The following EPG5 variants were observed in gnomAD, a reference collection of about 807,000 sequenced individuals.
The protein encoded by EPG5 is ectopic P granules protein 5 homolog.
In EPG5, 159 loss-of-function variants were observed where a neutral mutation model predicts 302.7. The observed-to-expected ratio is 0.53, with a 90% confidence interval of 0.46 to 0.60. The LOEUF is 0.60. EPG5 is among the 20% of genes least tolerant of loss of function. The probability of loss-of-function intolerance (pLI) is 0.00; values close to 1 mark genes in which losing one functional copy is unlikely to be tolerated. For synonymous variants in EPG5, 1,158 were observed against 1,136.8 expected (o/e 1.02, Z -0.37); for missense variants, 2,896 against 3,092.4 (o/e 0.94, Z 1.51).
intron 1 of EPG5, among the ~76,000 whole-genome samples, chr18:45,963,622 G>A (rs2051193105): frequency 6.6e-6 from 1 of 152,150 alleles, no homozygotes; most frequent in African/African-American, 2.4e-5. Flanking sequence ...GTGACAGAGT[G>A]AGACTCGGTC....
chr18:45,817,278 T>C, the EPG5 span, among the ~76,000 whole-genome samples: 2 of 152,200 alleles, frequency 1.3e-5, no homozygotes, highest in African/African-American at 4.8e-5. Flanking sequence ...TAAAAAATTG[T>C]TTTAAAAGAA....
intron 2 of EPG5, 28 bp from the exon 3 acceptor site, chr18:45,952,671 G>A: frequency 6.2e-7 from 1 of 1,609,654 alleles, no homozygotes; most frequent in Non-Finnish European, 8.5e-7. Context: ...GGTACAATAT[G>A]AAACCAGTTA....
chr18:45,939,784 T>C, intron 9 of EPG5, 29 bp from the exon 10 acceptor site: 1 of 1,595,522 alleles, frequency 6.3e-7, no homozygotes, highest in Non-Finnish European at 8.6e-7. Context: ...AATACAGTAC[T>C]TTTCATTAGC....
chr18:45,936,968 C>T (rs981031087), intron 10 of EPG5, among the ~76,000 whole-genome samples: 3 of 151,758 alleles, frequency 2.0e-5, no homozygotes, highest in Non-Finnish European at 4.4e-5. Flanking sequence ...TAGTTCAAAC[C>T]CACACTTACC....
the EPG5 span, chr18:45,837,053 AT>A: frequency 1.5e-5 from 23 of 1,546,572 alleles, no homozygotes; most frequent in Non-Finnish European, 2.1e-5. Context: ...ACTAAAATAG[AT>A]ACTACGGAGA....
chr18:45,899,562 C>G lies in EPG5; in HGVS notation c.4651G>C (p.Ala1551Pro). The G allele has an allele frequency of 6.2e-7, 1 of 1,613,850 alleles. No individual in the cohort carries two copies. Among genetic ancestry groups the G allele is most frequent in the Non-Finnish European group, 8.5e-7 (1 of 1,179,874 alleles). Residue 1551 changes from alanine (A) to proline (P), a missense_variant, in exon 27 of 44, where the codon GCA becomes CCA. Ala to Pro is a conservative substitution (Grantham distance 27). Transcript: ENST00000282041. ...LNLLQQQART[A>P]ALRESQQVAL... Reference sequence around the variant, plus strand: ...ACCTGCTGAGATTCCCGAAGAGCTGCGGTTCTGAAAAACATCATCAGGAGG... The same window carrying G: ...ACCTGCTGAGATTCCCGAAGAGCTGGGGTTCTGAAAAACATCATCAGGAGG...
At chr18:45,942,072 A>G (rs553548215) in intron 9 of EPG5, among the ~76,000 whole-genome samples, 21 of 152,212 alleles carry the variant, frequency 1.4e-4, no homozygotes, top group Non-Finnish European at 2.8e-4. Flanking sequence ...AAAAATACAA[A>G]AAGTTAGCTG....
the EPG5 span, among the ~76,000 whole-genome samples, chr18:45,822,351 T>C: frequency 2.0e-5 from 3 of 152,046 alleles, no homozygotes; most frequent in Admixed American, 1.3e-4. Flanking sequence ...GTTGATCTCA[T>C]AGAAGTAAAA....
At position 45,946,787 on chromosome 18, in the gene EPG5, C is replaced by G. The variant is rs2050791899; in HGVS notation, c.1572-19G>C. The G allele has an allele frequency of 6.3e-7, 1 of 1,597,792 alleles. No homozygotes were observed. Among genetic ancestry groups the G allele is most frequent in the African/African-American group, 1.3e-5 (1 of 74,704 alleles). On this transcript the variant is annotated intron_variant, in intron 6 of 43. Transcript: ENST00000282041. ...TCGATTTCTAAAGGACAAGAATAAT[C>G]ACTCCCATCACTTAGATGTAGGCTA...
At chr18:45,842,012 G>A in the EPG5 span, 1 of 1,139,408 alleles carries the variant, frequency 8.8e-7, no homozygotes, top group East Asian at 2.4e-5. Flanking sequence ...TCCCCAGAAT[G>A]TCTCCTCTTC....
rs1272201076 is a variant in EPG5, at chr18:45,930,751, A to T, written c.2337T>A (p.Phe779Leu). 6.2e-7 allele frequency: 1 copy of T among 1,612,302 alleles called. No individual in the cohort carries two copies. Among genetic ancestry groups the T allele is most frequent in the South Asian group, 1.1e-5 (1 of 90,502 alleles). ...SSEEICLLTT[F>L]AQMAQARRTN... ...TTCTTCTGGCCTGAGCCATCTGAGCAAAGGTAGTCAGAAGGCAAATCTCTT... is the reference window on the plus strand; with the variant it reads ...TTCTTCTGGCCTGAGCCATCTGAGCTAAGGTAGTCAGAAGGCAAATCTCTT... Residue 779 changes from phenylalanine to leucine, a missense_variant, in exon 12 of 44, where the codon TTT becomes TTA. Around this residue, in one of 5 missense-constraint regions of EPG5, gnomAD observed 1,390 missense variants for 1,430.0 expected, o/e 0.97. Transcript: ENST00000282041.
chr18:45,838,572 G>GGCCA, the EPG5 span: 1 of 1,069,420 alleles, frequency 9.4e-7, no homozygotes, highest in East Asian at 3.0e-5. Context: ...TTTCGCCCAA[G>GGCCA]GCCACATCTG....
chr18:45,943,943 G>T, intron 8 of EPG5, 62 bp downstream of exon 8: 1 of 1,042,156 alleles, frequency 9.6e-7, no homozygotes, highest in Non-Finnish European at 1.5e-6. Flanking sequence ...AAGACTCAAT[G>T]CAGAGTTCCT....
At chr18:45,952,772 A>G (rs1416732990) in intron 2 of EPG5, 129 bp from the exon 3 acceptor site, 1 of 961,056 alleles carries the variant, frequency 1.0e-6, no homozygotes, top group Non-Finnish European at 1.6e-6. Flanking sequence ...GTGAGGAGAC[A>G]TATTACTGTG....
chr18:45,830,797 A>G, the EPG5 span, among the ~76,000 whole-genome samples: 4 of 128,382 alleles, frequency 3.1e-5, no homozygotes, highest in Non-Finnish European at 4.8e-5. Context: ...ACGGGGTTTC[A>G]CCATATTGGC....
intron 29 of EPG5, among the ~76,000 whole-genome samples, chr18:45,886,628 C>CTA (rs1039397420): frequency 2.6e-5 from 4 of 152,146 alleles, no homozygotes; most frequent in African/African-American, 9.7e-5. Flanking sequence ...TTCATACTTT[C>CTA]TATGCTGTCT....
At chr18:45,819,231 G>A in the EPG5 span, among the ~76,000 whole-genome samples, 3 of 152,166 alleles carry the variant, frequency 2.0e-5, no homozygotes, top group Non-Finnish European at 4.4e-5. Flanking sequence ...CTGGAATATG[G>A]ATTAAGAATT....
At chr18:45,890,548 TG>T (rs1444668369) in intron 27 of EPG5, among the ~76,000 whole-genome samples, 1 of 151,488 alleles carries the variant, frequency 6.6e-6, no homozygotes, top group African/African-American at 2.4e-5. Flanking sequence ...TCAGTAAAGG[TG>T]GAAAAACAAG....
At chr18:45,828,365 C>G in the EPG5 span, among the ~76,000 whole-genome samples, 1 of 152,196 alleles carries the variant, frequency 6.6e-6, no homozygotes, top group Non-Finnish European at 1.5e-5. Context: ...CCTAATCTCC[C>G]AGGGGCTCCC....
Sources: gnomAD v4.1 joint callset for allele counts (sites outside exome capture counted in the v4.1 genomes callset) on GRCh38, gnomAD v4.1.1 for gene constraint, gnomAD v4.1.1 regional missense constraint, MANE v1.5 for transcripts, NCBI Gene and HGNC (gene_info 2026-07-23, HGNC 2026-07-21) for gene names.